The following TBC1D14 variants were observed in gnomAD, a reference collection of about 807,000 sequenced individuals.
TBC1D14 encodes the protein TBC1 domain family, member 14.
In TBC1D14, 26 loss-of-function variants were observed where a neutral mutation model predicts 79.0. The ratio of observed to expected loss-of-function variants is 0.33; its 90% confidence interval spans 0.24 to 0.46. The LOEUF (loss-of-function observed/expected upper bound fraction) is 0.46, where lower values mean the gene tolerates loss of function less well. TBC1D14 is among the 20% of genes least tolerant of loss of function. The pLI is 1.00. For missense variants in TBC1D14, 769 were observed against 887.6 expected (o/e 0.87, Z 1.70); for synonymous variants, 394 against 349.9 (o/e 1.13, Z -1.40).
At chr4:6,969,643 G>A (rs1716047099) in intron 3 of TBC1D14, among the ~76,000 whole-genome samples, 1 of 151,830 alleles carries the variant, frequency 6.6e-6, no homozygotes, top group African/African-American at 2.4e-5. Context: ...CTGACCTTGT[G>A]ATCCACCTGC....
chr4:7,005,169 G>GT (rs1219805897), intron 8 of TBC1D14, among the ~76,000 whole-genome samples: 6 of 152,172 alleles, frequency 3.9e-5, no homozygotes, highest in Admixed American at 3.9e-4. Flanking sequence ...GGAGGCTGAG[G>GT]TAGATGGATC....
At chr4:6,984,951 A>T (rs1717689918) in intron 3 of TBC1D14, among the ~76,000 whole-genome samples, 1 of 152,200 alleles carries the variant, frequency 6.6e-6, no homozygotes, top group South Asian at 2.1e-4. Context: ...GGTGCAGCTC[A>T]ATTGATGCCG....
At chr4:6,950,777 A>AT (rs1457502169) in intron 2 of TBC1D14, among the ~76,000 whole-genome samples, 1 of 152,210 alleles carries the variant, frequency 6.6e-6, no homozygotes, top group Non-Finnish European at 1.5e-5. Flanking sequence ...TTCATAATAT[A>AT]TTATACTTTA....
At chr4:6,920,610 T>C (rs1207854237) in intron 1 of TBC1D14, among the ~76,000 whole-genome samples, 1 of 152,190 alleles carries the variant, frequency 6.6e-6, no homozygotes, top group Non-Finnish European at 1.5e-5. Flanking sequence ...TGTTTGATGA[T>C]AGCAGCTACC....
chr4:6,951,102 C>T (rs1301184230), intron 2 of TBC1D14, among the ~76,000 whole-genome samples: 6 of 152,100 alleles, frequency 3.9e-5, no homozygotes, highest in African/African-American at 1.4e-4. Flanking sequence ...CCAGCCTGGC[C>T]AACATGGTGA....
At chr4:7,012,311 A>C (rs992380017) in intron 11 of TBC1D14, among the ~76,000 whole-genome samples, 2 of 152,122 alleles carry the variant, frequency 1.3e-5, no homozygotes, top group Non-Finnish European at 2.9e-5. Context: ...CAAAAAAAAA[A>C]AAAAAAAAAG....
chr4:6,917,350 A>G (rs1723486209), intron 1 of TBC1D14, among the ~76,000 whole-genome samples: 2 of 152,166 alleles, frequency 1.3e-5, no homozygotes, highest in African/African-American at 4.8e-5. Context: ...TGCAGTGGGG[A>G]GAGAGACAGG....
chr4:6,973,371 A>G (rs1216515674), intron 3 of TBC1D14, among the ~76,000 whole-genome samples: 1 of 152,216 alleles, frequency 6.6e-6, no homozygotes, highest in Non-Finnish European at 1.5e-5. Context: ...CTGCTGGCCT[A>G]CAGGCAAATT....
chr4:6,943,957 C>T (rs895734764), intron 2 of TBC1D14, among the ~76,000 whole-genome samples: 2 of 152,212 alleles, frequency 1.3e-5, no homozygotes, highest in African/African-American at 2.4e-5. Flanking sequence ...CATATGGGGT[C>T]ACAGCCGTTT....
At chr4:6,986,510 A>G (rs986109587) in intron 3 of TBC1D14, among the ~76,000 whole-genome samples, 2 of 151,936 alleles carry the variant, frequency 1.3e-5, no homozygotes, top group Non-Finnish European at 2.9e-5. Context: ...TCTGATGGAG[A>G]CCTGTCTGCC....
chr4:7,001,259 GCCTGCATGAT>G lies in TBC1D14; in HGVS notation c.1270+13_1270+22del. 1 of 1,611,256 alleles carries G rather than the reference GCCTGCATGAT, an allele frequency of 6.2e-7. No homozygotes were observed. Among genetic ancestry groups the G allele is most frequent in the Non-Finnish European group, 8.5e-7 (1 of 1,177,850 alleles). On this transcript the variant is annotated intron_variant, in intron 7 of 13. Transcript: ENST00000409757. ...AGTTAAATATCACCCACGGTGAGTG[GCCTGCATGAT>G]CCTGGGGAGTCCACCTCCAGGCCCT...
At chr4:7,000,674 G>T (rs532961435) in intron 6 of TBC1D14, among the ~76,000 whole-genome samples, 3 of 152,182 alleles carry the variant, frequency 2.0e-5, no homozygotes, top group African/African-American at 7.2e-5. Context: ...ACATCTGGGC[G>T]CTGGGCCTGT....
intron 2 of TBC1D14, among the ~76,000 whole-genome samples, chr4:6,938,340 C>A (rs1023018554): frequency 6.6e-6 from 1 of 152,186 alleles, no homozygotes; most frequent in African/African-American, 2.4e-5. Flanking sequence ...CATAACCTCA[C>A]ATGCTCCTCT....
chr4:6,987,463 G>C, intron 3 of TBC1D14: 1 of 1,018,502 alleles, frequency 9.8e-7, no homozygotes, highest in Non-Finnish European at 1.3e-6. Context: ...TGGAGGGTGC[G>C]AGTGTGCATG....
chr4:7,018,488 G>A (rs1268068160), intron 12 of TBC1D14, among the ~76,000 whole-genome samples: 1 of 152,210 alleles, frequency 6.6e-6, no homozygotes, highest in African/African-American at 2.4e-5. Context: ...CTGCCCCAGT[G>A]GTAAAGCTTC....
At chr4:7,015,912 GA>G (rs1172409047) in intron 12 of TBC1D14, among the ~76,000 whole-genome samples, 1 of 152,224 alleles carries the variant, frequency 6.6e-6, no homozygotes, top group Non-Finnish European at 1.5e-5. Flanking sequence ...TATTCGACCA[GA>G]AAGGCACGTT....
chr4:6,968,206 A>C (rs1456353798), intron 3 of TBC1D14, among the ~76,000 whole-genome samples: 1 of 152,112 alleles, frequency 6.6e-6, no homozygotes, highest in Non-Finnish European at 1.5e-5. Context: ...TTGAGGCTCC[A>C]CTAAGCGCCA....
At chr4:6,988,566 C>A (rs1164230758) in intron 3 of TBC1D14, among the ~76,000 whole-genome samples, 1 of 152,246 alleles carries the variant, frequency 6.6e-6, no homozygotes, top group East Asian at 1.9e-4. Flanking sequence ...AGGTACCACT[C>A]GGATGGCCAG....
chr4:6,977,361 G>A (rs1032336559), intron 3 of TBC1D14, among the ~76,000 whole-genome samples: 1 of 145,770 alleles, frequency 6.9e-6, no homozygotes, highest in African/African-American at 2.5e-5. Context: ...AACCGCGAGT[G>A]ATCCGCCAGC....
Sources: allele counts gnomAD v4.1 joint callset (sites outside exome capture counted in the v4.1 genomes callset), GRCh38; gene constraint gnomAD v4.1.1; transcripts MANE v1.5; gene names NCBI Gene and HGNC (gene_info 2026-07-23, HGNC 2026-07-21).